The following KCNH5 variants were observed in gnomAD, a reference collection of about 807,000 sequenced individuals.
KCNH5 encodes the protein potassium voltage-gated channel subfamily H member 5.
A neutral mutation model predicts 96.1 loss-of-function variants in KCNH5; 46 were observed. The ratio of observed to expected loss-of-function variants is 0.48; its 90% CI spans 0.38 to 0.61. The LOEUF (loss-of-function observed/expected upper bound fraction) is 0.61. Ranked by LOEUF, KCNH5 falls within the 20% of genes least tolerant of loss-of-function variation. The pLI is 0.00. For synonymous variants in KCNH5, 439 were observed against 449.8 expected, an observed-to-expected ratio of 0.98 and a Z score of 0.30; for missense variants, 907 against 1,225.8, an observed-to-expected ratio of 0.74 and a Z score of 3.88.
intron 1 of KCNH5, among the ~76,000 whole-genome samples, chr14:63,027,889 T>C (rs1891554943): frequency 6.6e-6 from 1 of 152,092 alleles, no homozygotes; most frequent in African/African-American, 2.4e-5. Flanking sequence ...GACTCAAGTG[T>C]ATATACATAT....
chr14:62,733,138 T>G (rs1595598503), intron 10 of KCNH5, among the ~76,000 whole-genome samples: 1 of 152,266 alleles, frequency 6.6e-6, no homozygotes. Context: ...ATCTGCTGCT[T>G]CTTTCCTGCT....
intron 7 of KCNH5, among the ~76,000 whole-genome samples, chr14:62,895,619 G>A (rs369800695): frequency 1.3e-5 from 2 of 152,076 alleles, no homozygotes; most frequent in African/African-American, 4.8e-5. Flanking sequence ...GTTTAATGAA[G>A]CAAAACATTT....
intron 7 of KCNH5, among the ~76,000 whole-genome samples, chr14:62,870,919 T>C (rs945894398): frequency 1.3e-5 from 2 of 152,190 alleles, no homozygotes; most frequent in African/African-American, 4.8e-5. Context: ...ACACAGGTAT[T>C]CTGACCCCAA....
chr14:63,027,891 T>TG lies in KCNH5; in HGVS notation c.74-10938_74-10937insC, dbSNP rs759715099. Among the ~76,000 whole-genome samples, 17 of 152,212 alleles carry TG rather than the reference T, an allele frequency of 1.1e-4. No homozygotes were observed. In the East Asian group the frequency reaches 3.3e-3, roughly 29 times the overall value. Reference sequence around the variant, plus strand: ...ATATTTACATAGTGACTCAAGTGTATATACATATGTGCAGACATGTATATA... The same window carrying TG: ...ATATTTACATAGTGACTCAAGTGTATGATACATATGTGCAGACATGTATATA... On this transcript the variant is annotated intron_variant, in intron 1 of 10. Transcript: ENST00000322893.
intron 9 of KCNH5, among the ~76,000 whole-genome samples, chr14:62,798,709 T>G (rs1886588365): frequency 1.3e-5 from 2 of 152,204 alleles, no homozygotes; most frequent in Non-Finnish European, 2.9e-5. Flanking sequence ...GGTTATTTGT[T>G]GACTAAATTT....
chr14:62,753,385 G>C (rs1885545875), intron 10 of KCNH5, among the ~76,000 whole-genome samples: 1 of 152,076 alleles, frequency 6.6e-6, no homozygotes, highest in Admixed American at 6.6e-5. Context: ...AAGAGTTACT[G>C]GTCTTAAAGA....
intron 7 of KCNH5, among the ~76,000 whole-genome samples, chr14:62,866,252 T>G (rs575799969): frequency 2.2e-4 from 34 of 152,180 alleles, no homozygotes; most frequent in Non-Finnish European, 4.4e-4. Flanking sequence ...TGGCACTGGT[T>G]TAATAGGTTT....
intron 10 of KCNH5, among the ~76,000 whole-genome samples, chr14:62,776,322 A>T (rs532218078): frequency 6.6e-6 from 1 of 151,758 alleles, no homozygotes; most frequent in Non-Finnish European, 1.5e-5. Context: ...TAAGACACCA[A>T]TGAGCTAGCT....
chr14:62,731,629 A>G (rs1019261021), intron 10 of KCNH5, among the ~76,000 whole-genome samples: 1 of 152,192 alleles, frequency 6.6e-6, no homozygotes, highest in Admixed American at 6.5e-5. Flanking sequence ...TGAAAATGCT[A>G]ATTATAATAC....
intron 3 of KCNH5, among the ~76,000 whole-genome samples, chr14:63,005,052 G>A (rs909870151): frequency 2.0e-5 from 3 of 152,094 alleles, no homozygotes; most frequent in Non-Finnish European, 4.4e-5. Flanking sequence ...TTATCAATAT[G>A]TACTTAGACT....
intron 7 of KCNH5, among the ~76,000 whole-genome samples, chr14:62,868,967 T>C (rs1225506828): frequency 1.3e-5 from 2 of 152,248 alleles, no homozygotes; most frequent in African/African-American, 4.8e-5. Flanking sequence ...TCGAAGTCTT[T>C]GTTATTGTTA....
chr14:62,752,390 T>A (rs922518669), intron 10 of KCNH5, among the ~76,000 whole-genome samples: 1 of 151,990 alleles, frequency 6.6e-6, no homozygotes, highest in Non-Finnish European at 1.5e-5. Flanking sequence ...GGGAAGAGCA[T>A]CAAGTGGGCT....
At chr14:63,010,604 A>G (rs924607402) in intron 2 of KCNH5, among the ~76,000 whole-genome samples, 7 of 152,284 alleles carry the variant, frequency 4.6e-5, no homozygotes, top group African/African-American at 1.7e-4. Context: ...GGAATAAGGG[A>G]TAAGTTGTCT....
intron 9 of KCNH5, among the ~76,000 whole-genome samples, chr14:62,800,353 G>C (rs1294852168): frequency 6.6e-6 from 1 of 152,096 alleles, no homozygotes; most frequent in African/African-American, 2.4e-5. Flanking sequence ...GTGTCATTGG[G>C]CAAAACAAGT....
At chr14:62,754,347 C>T (rs1434294167) in intron 10 of KCNH5, among the ~76,000 whole-genome samples, 1 of 151,668 alleles carries the variant, frequency 6.6e-6, no homozygotes, top group East Asian at 1.9e-4. Flanking sequence ...AGAAGGAAGA[C>T]AAACCAGAAA....
intron 6 of KCNH5, among the ~76,000 whole-genome samples, chr14:62,976,741 C>T (rs1890507388): frequency 6.6e-6 from 1 of 152,136 alleles, no homozygotes; most frequent in Non-Finnish European, 1.5e-5. Flanking sequence ...ATCAGAATTA[C>T]TGGAGGAGTA....
intron 7 of KCNH5, among the ~76,000 whole-genome samples, chr14:62,880,681 G>A (rs1888474687): frequency 6.6e-6 from 1 of 152,194 alleles, no homozygotes; most frequent in African/African-American, 2.4e-5. Flanking sequence ...AAAGTAGACT[G>A]TAGGTGAGCA....
Position 63,006,474 on chromosome 14 carries a change from TGG to T in KCNH5, c.198-4_198-3del. 6.4e-7 allele frequency: 1 copy of T among 1,564,658 alleles called. No homozygotes were observed. The highest frequency in any genetic ancestry group is 8.8e-7 in the Non-Finnish European group (1 of 1,140,024). ...TCAGTCAATTCCCCATACATAAAAC[TGG>T]GGGGGAAAAAAAACAAACAATCGAT... On this transcript the variant is annotated splice_polypyrimidine_tract_variant and splice_region_variant and intron_variant, in intron 2 of 10. Coordinates refer to ENST00000322893, the MANE Select transcript of KCNH5 (RefSeq NM_139318.5).
chr14:62,917,528 T>C (rs1410418743), intron 7 of KCNH5, among the ~76,000 whole-genome samples: 1 of 152,154 alleles, frequency 6.6e-6, no homozygotes, highest in Non-Finnish European at 1.5e-5. Context: ...GAAATTTATC[T>C]GCACCAAAAT....
Sources: allele counts gnomAD v4.1 joint callset (sites outside exome capture counted in the v4.1 genomes callset), GRCh38; gene constraint gnomAD v4.1.1; transcripts MANE v1.5; gene names NCBI Gene and HGNC (gene_info 2026-07-23, HGNC 2026-07-21).